The following COL23A1 variants were observed in gnomAD, a reference collection of about 807,000 sequenced individuals.
The protein encoded by COL23A1 is collagen alpha-1(XXIII) chain.
A neutral mutation model predicts 99.3 loss-of-function variants in COL23A1; 97 were observed. The observed-to-expected ratio is 0.98, with a 90% confidence interval of 0.83 to 1.16. The LOEUF (loss-of-function observed/expected upper bound fraction) is 1.16. COL23A1 is among the 50% of genes most tolerant of loss of function. The pLI, the probability that COL23A1 is intolerant of heterozygous loss-of-function variation, is 0.00. For synonymous variants in COL23A1, 320 were observed against 308.2 expected (o/e 1.04, Z -0.40); for missense variants, 762 against 757.4 (o/e 1.01, Z -0.07).
chr5:178,444,104 G>T (rs566734152), intron 2 of COL23A1, among the ~76,000 whole-genome samples: 1 of 152,180 alleles, frequency 6.6e-6, no homozygotes, highest in South Asian at 2.1e-4. Flanking sequence ...TACTTGGGAG[G>T]TTGTGGTGGG....
At chr5:178,561,321 C>A (rs1762549297) in intron 1 of COL23A1, among the ~76,000 whole-genome samples, 1 of 152,132 alleles carries the variant, frequency 6.6e-6, no homozygotes, top group Non-Finnish European at 1.5e-5. Flanking sequence ...AGTGGGGATC[C>A]TTGGCCTAGA....
intron 19 of COL23A1, 138 bp from the exon 20 acceptor site, chr5:178,248,392 T>C (rs1033425280): frequency 3.2e-6 from 2 of 620,210 alleles, no homozygotes; most frequent in Non-Finnish European, 5.6e-6. Flanking sequence ...TGAAAAGTTT[T>C]CCCTACATCC....
chr5:178,302,672 G>T (rs1049272093), intron 3 of COL23A1, among the ~76,000 whole-genome samples: 15 of 152,366 alleles, frequency 9.8e-5, no homozygotes, highest in African/African-American at 3.6e-4. Flanking sequence ...GCTTTTCAAA[G>T]CTCCTTTGAA....
chr5:178,477,758 G>A (rs892666967), intron 2 of COL23A1, among the ~76,000 whole-genome samples: 1 of 152,230 alleles, frequency 6.6e-6, no homozygotes, highest in Non-Finnish European at 1.5e-5. Flanking sequence ...AGGTAGAATA[G>A]GGAGAGGAAA....
Position 178,340,965 on chromosome 5 carries a change from C to T in COL23A1, c.362-34046G>A, listed in dbSNP as rs1760622615. On this transcript the variant is annotated intron_variant, in intron 2 of 28. Transcript: ENST00000390654. The surrounding 1 kb of genome is among the most constrained non-coding windows in gnomAD (Gnocchi z 4.7). Reference sequence around the variant, plus strand: ...TCAGCTGGTTTAGACCTCATACTGACCATACCCACCAGCTCTATTTCCCCC... The same window carrying T: ...TCAGCTGGTTTAGACCTCATACTGATCATACCCACCAGCTCTATTTCCCCC... Among the ~76,000 whole-genome samples, 1 of 152,198 alleles carries T rather than the reference C, an allele frequency of 6.6e-6. No homozygotes were observed. The highest frequency in any genetic ancestry group is 1.5e-5 in the Non-Finnish European group (1 of 68,050).
chr5:178,247,860 C>T (rs760743937), intron 20 of COL23A1, 29 bp from the exon 21 acceptor site: 2 of 1,598,924 alleles, frequency 1.3e-6, no homozygotes, highest in Non-Finnish European at 1.7e-6. Flanking sequence ...AGGTTAGTCA[C>T]CCACCGCCTG....
At chr5:178,517,873 CTTT>C (rs71577021) in intron 2 of COL23A1, among the ~76,000 whole-genome samples, 3,896 of 97,182 alleles carry the variant, frequency 0.04, 45 homozygotes, top group Non-Finnish European at 0.045. Flanking sequence ...AACAGCGGTT[CTTT>C]TTTTTTTTTT....
Position 178,589,364 on chromosome 5 carries a change from A to T in COL23A1, c.294+540T>A, listed in dbSNP as rs1196634794. Reference sequence around the variant, plus strand: ...CCCCCATCCCCGAGGCCTCAGTGCGACGGTGACCGCTCAGTCTTGGGGCCT... The same window carrying T: ...CCCCCATCCCCGAGGCCTCAGTGCGTCGGTGACCGCTCAGTCTTGGGGCCT... On this transcript the variant is annotated intron_variant, in intron 1 of 28. Coordinates refer to ENST00000390654, the MANE Select transcript of COL23A1 (RefSeq NM_173465.4). The surrounding 1 kb of genome is among the most constrained non-coding windows in gnomAD (Gnocchi z 5.4). 6.6e-6 allele frequency among the ~76,000 whole-genome samples: 1 copy of T among 151,882 alleles called. No individual in the cohort carries two copies. The highest frequency in any genetic ancestry group is 2.4e-5 in the African/African-American group (1 of 41,322).
rs1765260426 is a variant in COL23A1, at chr5:178,255,629, G to A, written c.883-603C>T. Among the ~76,000 whole-genome samples the A allele has an allele frequency of 6.6e-6, 1 of 152,154 alleles. No individual in the cohort carries two copies. Among genetic ancestry groups the A allele is most frequent in the Admixed American group, 6.5e-5 (1 of 15,274 alleles). On this transcript the variant is annotated intron_variant, in intron 15 of 28. Coordinates refer to ENST00000390654, the MANE Select transcript of COL23A1 (RefSeq NM_173465.4). This position sits in a 1 kb window ranked among gnomAD's most constrained non-coding sequence, Gnocchi z 4.2. The stretch of plus-strand genomic sequence containing the variant: ...TTTGCTTGGGGTACAGTGAAGGCTG[G>A]GGAGCACTTTGGTCCAGACCCGAGC...
intron 2 of COL23A1, among the ~76,000 whole-genome samples, chr5:178,513,595 T>C (rs554174910): frequency 2.0e-5 from 3 of 152,182 alleles, no homozygotes; most frequent in Non-Finnish European, 4.4e-5. Flanking sequence ...CAAAAGTCAG[T>C]TCCTGTGGGT....
chr5:178,430,998 C>T (rs1218289194), intron 2 of COL23A1, among the ~76,000 whole-genome samples: 1 of 152,014 alleles, frequency 6.6e-6, no homozygotes, highest in Non-Finnish European at 1.5e-5. Context: ...GGAAGAGATG[C>T]CAGAGGGAGA....
chr5:178,247,215 A>G (rs562534120), intron 22 of COL23A1, among the ~76,000 whole-genome samples: 1 of 152,278 alleles, frequency 6.6e-6, no homozygotes, highest in East Asian at 1.9e-4. Context: ...AGGAACTGAC[A>G]GGCACAGACA....
intron 2 of COL23A1, among the ~76,000 whole-genome samples, chr5:178,356,883 A>G (rs1018633712): frequency 1.3e-5 from 2 of 151,898 alleles, no homozygotes; most frequent in African/African-American, 4.8e-5. Flanking sequence ...GGGTCTGCGC[A>G]CTGAGCCTCT....
chr5:178,268,232 A>G lies in COL23A1; in HGVS notation c.495+498T>C, dbSNP rs574142047. 1.5e-4 allele frequency among the ~76,000 whole-genome samples: 23 copies of G among 152,320 alleles called. No homozygotes were observed. The South Asian group carries it at 4.8e-3, about 32-fold the overall frequency. ...TCCCTCCCCTGATTTTACCGTGGGTAACACAGGTCTCTTCTGTCCCTTTCT... is the reference window on the plus strand; with the variant it reads ...TCCCTCCCCTGATTTTACCGTGGGTGACACAGGTCTCTTCTGTCCCTTTCT... On this transcript the variant is annotated intron_variant, in intron 7 of 28. Transcript: ENST00000390654.
At chr5:178,326,414 T>TCAA (rs113275965) in intron 2 of COL23A1, among the ~76,000 whole-genome samples, 1 of 148,478 alleles carries the variant, frequency 6.7e-6, no homozygotes, top group African/African-American at 2.5e-5. Context: ...AGAGAACATT[T>TCAA]AAAAAAAAAA....
intron 2 of COL23A1, among the ~76,000 whole-genome samples, chr5:178,513,668 C>T (rs559601661): frequency 6.6e-6 from 1 of 152,028 alleles, no homozygotes; most frequent in Admixed American, 6.5e-5. Context: ...CTCCTAGAGA[C>T]CACTGCAAAA....
chr5:178,268,397 T>C (rs1014385749), intron 7 of COL23A1, among the ~76,000 whole-genome samples: 6 of 152,160 alleles, frequency 3.9e-5, no homozygotes, highest in Admixed American at 2.6e-4. Flanking sequence ...TTAACAGTCA[T>C]GGTTCAATCC....
chr5:178,442,404 C>A (rs1184753950), intron 2 of COL23A1, among the ~76,000 whole-genome samples: 2 of 152,186 alleles, frequency 1.3e-5, no homozygotes, highest in African/African-American at 4.8e-5. Flanking sequence ...AAAATGTCAT[C>A]ATTTAAATTA....
At chr5:178,421,475 C>T (rs563302283) in intron 2 of COL23A1, among the ~76,000 whole-genome samples, 10 of 151,692 alleles carry the variant, frequency 6.6e-5, no homozygotes, top group African/African-American at 2.4e-4. Context: ...AGCATGCTAC[C>T]CACTCCACAC....
Sources: allele counts gnomAD v4.1 joint callset (sites outside exome capture counted in the v4.1 genomes callset), GRCh38; gene constraint gnomAD v4.1.1; non-coding constraint Gnocchi (gnomAD v3.1); transcripts MANE v1.5; gene names NCBI Gene and HGNC (gene_info 2026-07-23, HGNC 2026-07-21).